PIK3R1: variants seen among roughly 807,000 people sequenced by gnomAD.
PIK3R1 encodes the protein phosphatidylinositol 3-kinase regulatory subunit alpha.
PIK3R1 carries 29 observed loss-of-function variants against 98.0 expected under a neutral mutation model. The ratio of observed to expected loss-of-function variants is 0.30; its 90% CI spans 0.22 to 0.40. The LOEUF is 0.40. Ranked by LOEUF, PIK3R1 falls within the 10% of genes least tolerant of loss-of-function variation. PIK3R1 has a pLI of 1.00. For synonymous variants in PIK3R1, 282 were observed against 311.8 expected, an observed-to-expected ratio of 0.90 and a Z score of 1.01; for missense variants, 596 against 872.7, an observed-to-expected ratio of 0.68 and a Z score of 3.99.
rs1325616690 is a variant in PIK3R1, at chr5:68,299,199, A to G, written c.*1598A>G. On this transcript the variant is annotated 3_prime_UTR_variant, in exon 16 of 16. Transcript: ENST00000521381. ...TCATCTCTGTCACATTAGACTATCC[A>G]TCATGACCAGCAAATACTCATTTTA... is the stretch of plus-strand genomic sequence containing the variant. The G allele has an allele frequency of 4.3e-6, 1 of 233,492 alleles. No individual in the cohort carries two copies. Among genetic ancestry groups the G allele is most frequent in the African/African-American group, 2.2e-5 (1 of 45,332 alleles). The allele number at this position is 233,492 out of a possible 1,614,324, so 14.5% of individuals were successfully genotyped here. A position where few individuals can be genotyped will look rare whatever the true frequency, so the allele number is the denominator to read the frequency against.
rs966374473 is a variant in PIK3R1 at position 68,281,106 on chromosome 5, T to C, written c.916+100T>C. 7 of 732,626 alleles carry C rather than the reference T, an allele frequency of 9.6e-6. No individual in the cohort carries two copies. The African/African-American group carries it at 1.2e-4, about 13-fold the overall frequency. 45.4% of individuals were successfully genotyped at this position (732,626 alleles called of 1,614,324 possible). A position where few individuals can be genotyped will look rare whatever the true frequency, so the allele number is the denominator to read the frequency against. ...TCCTTTGAAGTAACACAGCTTCTTA[T>C]GGAATTACAGTTGGTAGTAATATGT... On this transcript the variant is annotated intron_variant, in intron 7 of 15. Coordinates refer to ENST00000521381, the MANE Select transcript of PIK3R1 (RefSeq NM_181523.3).
chr5:68,233,033 C>G (rs1489903605), intron 2 of PIK3R1, among the ~76,000 whole-genome samples: 2 of 152,066 alleles, frequency 1.3e-5, no homozygotes, highest in Non-Finnish European at 2.9e-5. Context: ...TTGTCTACAA[C>G]AAGAGACATT....
intron 2 of PIK3R1, among the ~76,000 whole-genome samples, chr5:68,246,608 C>T (rs890100424): frequency 6.6e-6 from 1 of 152,110 alleles, no homozygotes; most frequent in Admixed American, 6.5e-5. Flanking sequence ...CCACCGCGCC[C>T]GTCCATGTGT....
chr5:68,263,742 T>A lies in PIK3R1; in HGVS notation c.335-9648T>A, dbSNP rs557071060. On this transcript the variant is annotated intron_variant, in intron 2 of 15. Transcript: ENST00000521381. ...AAAATGAAGTCTGAATAAATATTAT[T>A]TTCTTATGCATTTCTTCTGCACCAG... 3.3e-5 allele frequency among the ~76,000 whole-genome samples: 5 copies of A among 152,334 alleles called. No homozygotes were observed. In the South Asian group the frequency reaches 1.0e-3, roughly 32 times the overall value.
rs574401603 is a variant in PIK3R1 at position 68,286,220 on chromosome 5, T to C, written c.916+5214T>C. On this transcript the variant is annotated intron_variant, in intron 7 of 15. Transcript: ENST00000521381. ...TACGAAACTTTGAGGAAAGGGAGAA[T>C]GATACATATTGTTTTAAAGAATCCA... Among the ~76,000 whole-genome samples the C allele has an allele frequency of 4.6e-5, 7 of 152,300 alleles. No individual in the cohort carries two copies. In the South Asian group the frequency reaches 1.4e-3, roughly 32 times the overall value.
intron 2 of PIK3R1, among the ~76,000 whole-genome samples, chr5:68,252,596 T>C (rs1745358533): frequency 1.3e-5 from 2 of 152,238 alleles, no homozygotes; most frequent in African/African-American, 4.8e-5. Context: ...TTCAAAATTG[T>C]AGAAGTTATT....
intron 2 of PIK3R1, among the ~76,000 whole-genome samples, chr5:68,237,618 A>G (rs1366173882): frequency 1.3e-5 from 2 of 151,722 alleles, no homozygotes; most frequent in Non-Finnish European, 2.9e-5. Flanking sequence ...AAAACTTTAA[A>G]TGTTTTCTGA....
chr5:68,216,143 C>G (rs1208095399), intron 1 of PIK3R1, among the ~76,000 whole-genome samples, 194 bp downstream of exon 1: 1 of 152,110 alleles, frequency 6.6e-6, no homozygotes, highest in Non-Finnish European at 1.5e-5. Context: ...GCACTACCCC[C>G]GCGCGCGGCC....
At chr5:68,285,682 G>A (rs552328087) in intron 7 of PIK3R1, among the ~76,000 whole-genome samples, 1 of 152,322 alleles carries the variant, frequency 6.6e-6, no homozygotes, top group African/African-American at 2.4e-5. Flanking sequence ...ACAAAGATCT[G>A]AGGGAGAATT....
At chr5:68,288,590 C>G (rs924324315) in intron 7 of PIK3R1, 1 of 1,537,198 alleles carries the variant, frequency 6.5e-7, no homozygotes, top group African/African-American at 1.4e-5. Flanking sequence ...CTCCTGCGCG[C>G]ACTCTCGGCG....
intron 2 of PIK3R1, among the ~76,000 whole-genome samples, chr5:68,229,304 G>C (rs2111974669): frequency 6.6e-6 from 1 of 152,316 alleles, no homozygotes; most frequent in East Asian, 1.9e-4. Context: ...TAGAACCTGT[G>C]AGACTAGTTT....
intron 2 of PIK3R1, among the ~76,000 whole-genome samples, chr5:68,257,219 G>C (rs567456055): frequency 6.6e-6 from 1 of 152,210 alleles, no homozygotes. Flanking sequence ...GCTGATAGCT[G>C]CTCCATCCAG....
intron 1 of PIK3R1, among the ~76,000 whole-genome samples, chr5:68,225,815 G>C (rs1412485201): frequency 6.6e-6 from 1 of 152,156 alleles, no homozygotes; most frequent in Admixed American, 6.5e-5. Context: ...CAATCCCACT[G>C]CTCCCTCTTT....
At chr5:68,256,706 GA>G (rs1745530782) in intron 2 of PIK3R1, among the ~76,000 whole-genome samples, 1 of 151,928 alleles carries the variant, frequency 6.6e-6, no homozygotes. Context: ...CATGGATTGA[GA>G]GGGGCAATTA....
chr5:68,220,682 C>T (rs1160380229), intron 1 of PIK3R1, among the ~76,000 whole-genome samples: 2 of 152,184 alleles, frequency 1.3e-5, no homozygotes, highest in East Asian at 1.9e-4. Flanking sequence ...GAATTACAGC[C>T]TATACAGCCT....
Position 68,237,810 on chromosome 5 carries a change from T to C in PIK3R1, c.334+10801T>C, listed in dbSNP as rs116004082. On this transcript the variant is annotated intron_variant, in intron 2 of 15. Transcript: ENST00000521381. ...TCAACAGAACCGGGGTTAAAAAATA[T>C]AGGATAAGTTTTGACTACCTAAAAG... is the stretch of plus-strand genomic sequence containing the variant. 1.2e-3 allele frequency among the ~76,000 whole-genome samples: 185 copies of C among 152,186 alleles called. 1 individual carries two copies. The highest frequency in any genetic ancestry group is 4.4e-3 in the African/African-American group (184 of 41,522).
At chr5:68,262,836 TATACATGTAG>T (rs1382980983) in intron 2 of PIK3R1, among the ~76,000 whole-genome samples, 2 of 116,192 alleles carry the variant, frequency 1.7e-5, no homozygotes, top group Non-Finnish European at 1.8e-5. Flanking sequence ...TAGATACATG[TATACATGTAG>T]ATACATGTAG....
intron 2 of PIK3R1, among the ~76,000 whole-genome samples, chr5:68,253,073 T>TA (rs1443253044): frequency 6.6e-6 from 1 of 152,232 alleles, no homozygotes; most frequent in Admixed American, 6.5e-5. Flanking sequence ...TACTAATTTT[T>TA]ATCTACGTTG....
At chr5:68,258,612 G>C (rs1302000490) in intron 2 of PIK3R1, among the ~76,000 whole-genome samples, 1 of 152,206 alleles carries the variant, frequency 6.6e-6, no homozygotes, top group East Asian at 1.9e-4. Context: ...AACCATACCA[G>C]TCTTTCCCTG....
Sources: allele counts gnomAD v4.1 joint callset (sites outside exome capture counted in the v4.1 genomes callset), GRCh38; gene constraint gnomAD v4.1.1; transcripts MANE v1.5; gene names NCBI Gene and HGNC (gene_info 2026-07-23, HGNC 2026-07-21).